NPR3: variants seen among roughly 807,000 people sequenced by gnomAD.
NPR3 encodes the protein natriuretic peptide receptor 3, also known as atrial natriuretic peptide receptor 3.
NPR3 carries 34 observed loss-of-function variants against 54.5 expected under a neutral mutation model. The observed-to-expected ratio is 0.62, with a 90% CI of 0.47 to 0.83. NPR3 has a LOEUF of 0.83. Among genes scored for constraint, NPR3 ranks in the 40% least tolerant of loss-of-function variants. NPR3 has a pLI of 0.00. For synonymous variants in NPR3, 289 were observed against 297.1 expected (o/e 0.97, Z 0.28); for missense variants, 674 against 720.8 (o/e 0.94, Z 0.74).
At chr5:32,755,395 C>G (rs1437125711) in intron 3 of NPR3, among the ~76,000 whole-genome samples, 4 of 152,180 alleles carry the variant, frequency 2.6e-5, no homozygotes, top group African/African-American at 9.7e-5. Context: ...AACCACTTGA[C>G]TCTCCCTATC....
rs779346365 is a variant in NPR3 at position 32,724,809 on chromosome 5, G to C, written c.881G>C (p.Ser294Thr). Residue 294 changes from serine (S) to threonine (T), a missense_variant, in exon 2 of 8, where the codon AGC (serine) becomes ACC (threonine). Ser to Thr is a moderately conservative substitution (Grantham distance 58, BLOSUM62 1). Coordinates refer to ENST00000265074, the MANE Select transcript of NPR3 (RefSeq NM_001204375.2). ...TTCTTCAACATTGAGCTCTTCAACA[G>C]CTCTTCCTATGGTAACTCTGCTTCC... Reference protein sequence around the residue: ...YAFFNIELFNSSSYGDGSWKR... With the variant: ...YAFFNIELFNTSSYGDGSWKR... The C allele has an allele frequency of 6.2e-6, 10 of 1,613,746 alleles. No individual in the cohort carries two copies. The Admixed American group carries it at 1.7e-4, about 27-fold the overall frequency.
intron 3 of NPR3, among the ~76,000 whole-genome samples, chr5:32,766,000 C>G (rs1050536208): frequency 2.0e-5 from 3 of 152,180 alleles, no homozygotes; most frequent in African/African-American, 7.2e-5. Flanking sequence ...GCGGGGGGAA[C>G]TGCCTGTGGC....
In NPR3 at chr5:32,764,788, C is replaced by CAAAAAAAAAAAAAAA. The variant is rs568944478; in HGVS notation, c.1060-9906_1060-9892dup. Among the ~76,000 whole-genome samples, 41 of 36,496 alleles carry CAAAAAAAAAAAAAAA rather than the reference C, an allele frequency of 1.1e-3. 3 individuals carry two copies. Among genetic ancestry groups the CAAAAAAAAAAAAAAA allele is most frequent in the African/African-American group, 2.7e-3 (28 of 10,300 alleles). The allele number at this position is 36,496 out of a possible 152,430, so 23.9% of individuals were successfully genotyped here. A position where few individuals can be genotyped will look rare whatever the true frequency, so the allele number is the denominator to read the frequency against. On this transcript the variant is annotated intron_variant, in intron 3 of 7. Transcript: ENST00000265074. The stretch of plus-strand genomic sequence containing the variant: ...GGGTGACAAGAGTGAGGGTCCATCT[C>CAAAAAAAAAAAAAAA]AAAAAAAAAAAAAAAAAAAAAAAAA...
intron 3 of NPR3, among the ~76,000 whole-genome samples, chr5:32,754,412 C>A (rs1346338460): frequency 1.3e-5 from 2 of 151,974 alleles, no homozygotes; most frequent in Non-Finnish European, 2.9e-5. Flanking sequence ...ATAGTCCCAG[C>A]AGCCGAGTGT....
intron 1 of NPR3, among the ~76,000 whole-genome samples, chr5:32,720,921 T>G (rs763856437): frequency 6.6e-6 from 1 of 152,228 alleles, no homozygotes; most frequent in South Asian, 2.1e-4. Context: ...ATGATAAATA[T>G]GTAATTTAAT....
In NPR3 at chr5:32,762,495, G is replaced by A. The variant is rs141350612; in HGVS notation, c.1060-12213G>A. 2.8e-3 allele frequency among the ~76,000 whole-genome samples: 380 copies of A among 134,602 alleles called. 4 individuals carry two copies. Among genetic ancestry groups the A allele is most frequent in the Non-Finnish European group, 5.1e-3 (297 of 58,438 alleles). The allele number at this position is 134,602 out of a possible 152,430, so 88.3% of individuals were successfully genotyped here. On this transcript the variant is annotated intron_variant, in intron 3 of 7. Coordinates refer to ENST00000265074, the MANE Select transcript of NPR3 (RefSeq NM_001204375.2). ...TTTAATGATCACCATTCTAACTGGCGTGAGGTGGTATCTCATTGTGGTTTT... is the reference window on the plus strand; with the variant it reads ...TTTAATGATCACCATTCTAACTGGCATGAGGTGGTATCTCATTGTGGTTTT...
chr5:32,739,183 GT>G (rs368679421), intron 3 of NPR3, among the ~76,000 whole-genome samples, 153 bp downstream of exon 3: 264 of 130,208 alleles, frequency 2.0e-3, no homozygotes, highest in African/African-American at 5.1e-3. Flanking sequence ...GTGTGTGTGT[GT>G]TTTTTTTTTT....
chr5:32,770,019 T>C (rs2112036487), intron 3 of NPR3, among the ~76,000 whole-genome samples: 1 of 152,280 alleles, frequency 6.6e-6, no homozygotes, highest in East Asian at 1.9e-4. Flanking sequence ...CTCCCCATGA[T>C]AGAGGATCTA....
At chr5:32,698,350 A>G (rs1740583309) in intron 1 of NPR3, among the ~76,000 whole-genome samples, 1 of 149,510 alleles carries the variant, frequency 6.7e-6, no homozygotes, top group South Asian at 2.1e-4. Context: ...GTCAGAGAAG[A>G]TGCTTGATAT....
intron 1 of NPR3, among the ~76,000 whole-genome samples, chr5:32,692,511 A>G (rs1399959059): frequency 6.6e-6 from 1 of 152,230 alleles, no homozygotes; most frequent in Admixed American, 6.5e-5. Flanking sequence ...AAACTTCTCC[A>G]CTAATGTGAG....
rs1739053513 is a variant in NPR3 at position 32,724,810 on chromosome 5, C to T, written c.882C>T (p.Ser294=). ...TCTTCAACATTGAGCTCTTCAACAGCTCTTCCTATGGTAACTCTGCTTCCA... is the reference window on the plus strand; with the variant it reads ...TCTTCAACATTGAGCTCTTCAACAGTTCTTCCTATGGTAACTCTGCTTCCA... The part of the protein sequence containing the change: ...YAFFNIELFN[S]SSYGDGSWKR... The change falls in exon 2 of 8, where the codon AGC becomes AGT. Residue 294 remains serine (S), a synonymous_variant. Coordinates refer to ENST00000265074, the MANE Select transcript of NPR3 (RefSeq NM_001204375.2). 1.2e-6 allele frequency: 2 copies of T among 1,613,786 alleles called. No homozygotes were observed. Among genetic ancestry groups the T allele is most frequent in the African/African-American group, 2.7e-5 (2 of 74,892 alleles).
intron 3 of NPR3, among the ~76,000 whole-genome samples, chr5:32,764,364 G>A (rs1741331045): frequency 6.6e-6 from 1 of 152,002 alleles, no homozygotes; most frequent in Non-Finnish European, 1.5e-5. Context: ...CTGGGGCCAG[G>A]GGGTACCCTC....
intron 1 of NPR3, among the ~76,000 whole-genome samples, chr5:32,692,783 T>A (rs1046842980): frequency 6.6e-6 from 1 of 152,218 alleles, no homozygotes; most frequent in African/African-American, 2.4e-5. Flanking sequence ...CACTGATTCT[T>A]CTTTAGGCTA....
At position 32,712,234 on chromosome 5, in the gene NPR3, C is replaced by G. The variant is rs1467839089; in HGVS notation, c.458C>G (p.Pro153Arg). 6.2e-7 allele frequency: 1 copy of G among 1,612,752 alleles called. No individual in the cohort carries two copies. The highest frequency in any genetic ancestry group is 8.5e-7 in the Non-Finnish European group (1 of 1,179,596). ...CGGCTTGCATCGCACTGGGACCTGC[C>G]CATGCTGTCGGCTGGGGCGCTGGCC... Reference protein sequence around the residue: ...VARLASHWDLPMLSAGALAAG... With the variant: ...VARLASHWDLRMLSAGALAAG... Residue 153 changes from proline to arginine, a missense_variant, in exon 1 of 8, where the codon CCC (proline) becomes CGC (arginine). Coordinates refer to ENST00000265074, the MANE Select transcript of NPR3 (RefSeq NM_001204375.2).
At chr5:32,720,788 A>G (rs1184925595) in intron 1 of NPR3, among the ~76,000 whole-genome samples, 2 of 152,198 alleles carry the variant, frequency 1.3e-5, no homozygotes, top group East Asian at 3.8e-4. Flanking sequence ...TATAAATCTT[A>G]TCACCTGTTG....
chr5:32,729,175 G>A (rs1342050297), intron 2 of NPR3, among the ~76,000 whole-genome samples: 1 of 150,116 alleles, frequency 6.7e-6, no homozygotes, highest in Non-Finnish European at 1.5e-5. Flanking sequence ...GACTACAGGC[G>A]CCCGCCACTA....
At chr5:32,728,875 A>G (rs1340407188) in intron 2 of NPR3, among the ~76,000 whole-genome samples, 2 of 138,218 alleles carry the variant, frequency 1.4e-5, no homozygotes, top group African/African-American at 5.2e-5. Context: ...ATATATATAT[A>G]TGTAAAATGA....
At chr5:32,780,620 G>C (rs952303151) in intron 4 of NPR3, 102 bp from the exon 5 acceptor site, 1 of 764,210 alleles carries the variant, frequency 1.3e-6, no homozygotes, top group Admixed American at 1.7e-5. Context: ...CCTGTGGCAT[G>C]AGTTTGTTTA....
At chr5:32,731,396 G>A (rs1248633947) in intron 2 of NPR3, among the ~76,000 whole-genome samples, 2 of 152,184 alleles carry the variant, frequency 1.3e-5, no homozygotes, top group African/African-American at 4.8e-5. Flanking sequence ...AGAGGTAAGG[G>A]TTAAGAGATG....
Sources: gnomAD v4.1 joint callset for allele counts (sites outside exome capture counted in the v4.1 genomes callset) on GRCh38, gnomAD v4.1.1 for gene constraint, MANE v1.5 for transcripts, NCBI Gene and HGNC (gene_info 2026-07-23, HGNC 2026-07-21) for gene names.